PTPRN2: variants seen among roughly 807,000 people sequenced by gnomAD.
The protein encoded by PTPRN2 is protein tyrosine phosphatase receptor type N2.
Under a neutral mutation model 118.8 loss-of-function variants are expected in PTPRN2, and 74 were observed. That is an observed-to-expected ratio of 0.62 (90% CI 0.52 to 0.76). PTPRN2 has a LOEUF of 0.76. PTPRN2 is among the 30% of genes least tolerant of loss of function. The probability of loss-of-function intolerance (pLI) is 0.00; values close to 1 mark genes in which losing one functional copy is unlikely to be tolerated. For synonymous variants in PTPRN2, 641 were observed against 608.0 expected (o/e 1.05, Z -0.80); for missense variants, 1,481 against 1,394.4 (o/e 1.06, Z -0.99).
At chr7:158,483,923 A>G (rs1003891300) in intron 2 of PTPRN2, among the ~76,000 whole-genome samples, 1 of 152,208 alleles carries the variant, frequency 6.6e-6, no homozygotes, top group African/African-American at 2.4e-5. Flanking sequence ...GGACCACTTG[A>G]GGTCACGAGT....
At chr7:157,781,137 C>T (rs951475108) in intron 12 of PTPRN2, among the ~76,000 whole-genome samples, 5 of 152,188 alleles carry the variant, frequency 3.3e-5, no homozygotes, top group African/African-American at 1.2e-4. Context: ...GGTCCTATGG[C>T]CAGAGCACTG....
intron 12 of PTPRN2, among the ~76,000 whole-genome samples, chr7:157,847,476 C>T (rs1808928100): frequency 6.7e-6 from 1 of 149,678 alleles, no homozygotes; most frequent in Non-Finnish European, 1.5e-5. Context: ...TCATGCGTGC[C>T]CGATGTCTAC....
At chr7:157,796,890 AC>A (rs928504022) in intron 12 of PTPRN2, among the ~76,000 whole-genome samples, 4 of 151,006 alleles carry the variant, frequency 2.6e-5, no homozygotes, top group Non-Finnish European at 3.0e-5. Context: ...TCCAGTCACC[AC>A]CCCCCAGGCC....
Position 158,507,839 on chromosome 7 carries a change from G to A in PTPRN2, c.113-18054C>T, listed in dbSNP as rs188415623. Reference sequence around the variant, plus strand: ...TGGACAGGAGACCGCATGCACGGAGGTCAGTGAGGACTGCCCAGGGGATAG... The same window carrying A: ...TGGACAGGAGACCGCATGCACGGAGATCAGTGAGGACTGCCCAGGGGATAG... On this transcript the variant is annotated intron_variant, in intron 1 of 22. Transcript: ENST00000389418. 1.5e-3 allele frequency among the ~76,000 whole-genome samples: 223 copies of A among 150,514 alleles called. 3 individuals are homozygous for A. Among genetic ancestry groups the A allele is most frequent in the Non-Finnish European group, 2.9e-4 (20 of 67,804 alleles).
rs1802262665 is a variant in PTPRN2 at position 157,610,423 on chromosome 7, G to A, written c.2345-6348C>T. On this transcript the variant is annotated intron_variant, in intron 15 of 22. Transcript: ENST00000389418. This position sits in a 1 kb window ranked among gnomAD's most constrained non-coding sequence, Gnocchi z 5.1. The stretch of plus-strand genomic sequence containing the variant: ...GTGTGGCCTGTGGAGAGGTGGAGCC[G>A]GTGTCTTGCTCCTAGAGGGAGTCCT... Among the ~76,000 whole-genome samples the A allele has an allele frequency of 6.6e-6, 1 of 152,180 alleles. No individual in the cohort carries two copies. Among genetic ancestry groups the A allele is most frequent in the Admixed American group, 6.5e-5 (1 of 15,282 alleles).
rs753295821 is a variant in PTPRN2, at chr7:158,134,004, A to T, written c.1229T>A (p.Leu410His). 15 of 1,613,884 alleles carry T rather than the reference A, an allele frequency of 9.3e-6. 1 individual carries two copies. ...GGLLQDHGSRLLPGALPFARP... is the reference protein window; with the variant it reads ...GGLLQDHGSRHLPGALPFARP... ...TGCAAAGGGGAGGGCTCCAGGTAAG[A>T]GTCGAGACCCGTGGTCCTGCAGGAG... Residue 410 changes from leucine to histidine, a missense_variant, in exon 9 of 23, where the codon CTC becomes CAC. Physicochemically the swap from Leu to His is moderately conservative, Grantham distance 99 (BLOSUM62 -3). Around this residue, in one of 3 missense-constraint regions of PTPRN2, gnomAD observed 1,115 missense variants for 994.2 expected, o/e 1.12. Coordinates refer to ENST00000389418, the MANE Select transcript of PTPRN2 (RefSeq NM_002847.5).
At chr7:158,326,162 C>T (rs747968740) in intron 2 of PTPRN2, among the ~76,000 whole-genome samples, 4 of 152,204 alleles carry the variant, frequency 2.6e-5, no homozygotes, top group Non-Finnish European at 5.9e-5. Context: ...GAAACAATGG[C>T]ACCCTGCTGT....
At chr7:157,562,292 C>A (rs1297019931) in intron 21 of PTPRN2, among the ~76,000 whole-genome samples, 5 of 152,246 alleles carry the variant, frequency 3.3e-5, no homozygotes, top group Middle Eastern at 3.4e-3. Flanking sequence ...GCGGGGAGAC[C>A]AGCACACGAG....
rs112677111 is a variant in PTPRN2 at position 157,779,177 on chromosome 7, T to C, written c.1789-96240A>G. Among the ~76,000 whole-genome samples the C allele has an allele frequency of 9.7e-3, 1,477 of 152,150 alleles. 22 individuals are homozygous for C. Among genetic ancestry groups the C allele is most frequent in the African/African-American group, 0.033 (1,390 of 41,502 alleles). On this transcript the variant is annotated intron_variant, in intron 12 of 22. Coordinates refer to ENST00000389418, the MANE Select transcript of PTPRN2 (RefSeq NM_002847.5). The surrounding 1 kb of genome is among the most constrained non-coding windows in gnomAD (Gnocchi z 4.7). ...TACATATAGAGGTAGTAGCGCTACA[T>C]TGAGGATGCTGGACACGGCTTATCT...
intron 10 of PTPRN2, among the ~76,000 whole-genome samples, chr7:158,100,587 A>G (rs1360627317): frequency 6.6e-6 from 1 of 152,132 alleles, no homozygotes; most frequent in Non-Finnish European, 1.5e-5. Flanking sequence ...TTTTGATTAT[A>G]TCCAATCTTG....
At chr7:158,084,294 C>G (rs993991850) in intron 10 of PTPRN2, among the ~76,000 whole-genome samples, 1 of 151,672 alleles carries the variant, frequency 6.6e-6, no homozygotes, top group Non-Finnish European at 1.5e-5. Context: ...CCACCCCGCC[C>G]GCCACGTCTG....
chr7:158,346,652 A>G (rs1807534974), intron 2 of PTPRN2, among the ~76,000 whole-genome samples: 1 of 152,172 alleles, frequency 6.6e-6, no homozygotes, highest in Admixed American at 6.5e-5. Context: ...GGATTGCTAG[A>G]TGATATGGTA....
At chr7:157,908,603 G>T (rs921701241) in intron 11 of PTPRN2, among the ~76,000 whole-genome samples, 1 of 152,152 alleles carries the variant, frequency 6.6e-6, no homozygotes, top group African/African-American at 2.4e-5. Flanking sequence ...ACTTTTCCAC[G>T]TCTGTCGAGA....
At chr7:158,014,389 GT>G (rs1221702012) in intron 11 of PTPRN2, among the ~76,000 whole-genome samples, 1 of 145,314 alleles carries the variant, frequency 6.9e-6, no homozygotes, top group Non-Finnish European at 1.5e-5. Flanking sequence ...CTGTTTGTTC[GT>G]CCATCCATCC....
At chr7:158,386,256 C>A (rs1168241400) in intron 2 of PTPRN2, among the ~76,000 whole-genome samples, 35 of 137,432 alleles carry the variant, frequency 2.5e-4, no homozygotes, top group Admixed American at 2.5e-3. Context: ...TCCCTCCTCC[C>A]ATGCCCTGAG....
chr7:157,837,466 T>C (rs2151174115), intron 12 of PTPRN2, among the ~76,000 whole-genome samples: 1 of 151,300 alleles, frequency 6.6e-6, no homozygotes, highest in Non-Finnish European at 1.5e-5. Flanking sequence ...GGAGGCTGTT[T>C]TGATGCAGAG....
intron 12 of PTPRN2, among the ~76,000 whole-genome samples, chr7:157,853,374 G>T (rs531650370): frequency 1.6e-4 from 24 of 152,320 alleles, no homozygotes; most frequent in African/African-American, 5.5e-4. Context: ...ATCCTCTCCA[G>T]CCAGGGAGGA....
At chr7:157,541,300 A>T (rs1012181406) in intron 22 of PTPRN2, among the ~76,000 whole-genome samples, 4 of 152,210 alleles carry the variant, frequency 2.6e-5, no homozygotes, top group African/African-American at 4.8e-5. Flanking sequence ...CCTGTTACTC[A>T]GACCAAACCC....
intron 12 of PTPRN2, among the ~76,000 whole-genome samples, chr7:157,866,342 A>C (rs1810665049): frequency 6.6e-6 from 1 of 152,160 alleles, no homozygotes; most frequent in Non-Finnish European, 1.5e-5. Flanking sequence ...GCATATGCAG[A>C]GTTATATACA....
Sources: gnomAD v4.1 joint callset for allele counts (sites outside exome capture counted in the v4.1 genomes callset) on GRCh38, gnomAD v4.1.1 for gene constraint, gnomAD v4.1.1 regional missense constraint, Gnocchi (gnomAD v3.1) non-coding constraint, MANE v1.5 for transcripts, NCBI Gene and HGNC (gene_info 2026-07-23, HGNC 2026-07-21) for gene names.